Variants in DEPTOR observed in about 807,000 individuals in gnomAD.
DEPTOR encodes DEP domain-containing mTOR-interacting protein.
A neutral mutation model predicts 41.6 loss-of-function variants in DEPTOR; 41 were observed. That is an observed-to-expected ratio of 0.98 (90% CI 0.77 to 1.28). The LOEUF (loss-of-function observed/expected upper bound fraction) is 1.28. Among genes scored for constraint, DEPTOR ranks in the 50% most tolerant of loss-of-function variants. The pLI, the probability that DEPTOR is intolerant of heterozygous loss-of-function variation, is 0.00. For synonymous variants in DEPTOR, 195 were observed against 192.3 expected (o/e 1.01, Z -0.12); for missense variants, 514 against 527.9 (o/e 0.97, Z 0.26).
intron 3 of DEPTOR, among the ~76,000 whole-genome samples, chr8:119,937,598 C>T (rs982203808): frequency 2.0e-5 from 3 of 152,100 alleles, no homozygotes; most frequent in African/African-American, 7.2e-5. Flanking sequence ...GAGATGTTTA[C>T]ACTATGTAAC....
chr8:119,988,156 A>G (rs1828853295), intron 4 of DEPTOR, among the ~76,000 whole-genome samples: 1 of 152,116 alleles, frequency 6.6e-6, no homozygotes, highest in South Asian at 2.1e-4. Context: ...ACCCGAGGGA[A>G]TCTCCTGGTC....
In DEPTOR at chr8:120,050,685, A is replaced by G. The variant is rs1233352620; in HGVS notation, c.*981A>G. ...TGCTTATTTGGGGGGATTATTTTTC[A>G]CCAAAATGATCATCTTGTGTTGTAA... is the stretch of plus-strand genomic sequence containing the variant. On this transcript the variant is annotated 3_prime_UTR_variant, in exon 9 of 9. Coordinates refer to ENST00000286234, the MANE Select transcript of DEPTOR (RefSeq NM_022783.4). The G allele has an allele frequency of 6.6e-6, 1 of 152,088 alleles. No individual in the cohort carries two copies. Among genetic ancestry groups the G allele is most frequent in the Non-Finnish European group, 1.5e-5 (1 of 68,010 alleles). The allele number at this position is 152,088 out of a possible 1,614,324, so 9.4% of individuals were successfully genotyped here. A position where few individuals can be genotyped will look rare whatever the true frequency, so the allele number is the denominator to read the frequency against.
At chr8:120,029,129 A>G (rs1812846687) in intron 8 of DEPTOR, among the ~76,000 whole-genome samples, 1 of 151,936 alleles carries the variant, frequency 6.6e-6, no homozygotes. Flanking sequence ...TTGAATTGTC[A>G]TACTTGTGCC....
chr8:119,996,311 ATAACAG>A (rs1361393788), intron 4 of DEPTOR, among the ~76,000 whole-genome samples: 4 of 152,246 alleles, frequency 2.6e-5, no homozygotes, highest in Non-Finnish European at 5.9e-5. Flanking sequence ...ATAGGTGATG[ATAACAG>A]TAAAAAACAA....
chr8:120,001,612 T>C lies in DEPTOR; in HGVS notation c.692T>C (p.Leu231Pro). The C allele has an allele frequency of 1.2e-6, 2 of 1,613,982 alleles. No individual in the cohort carries two copies. The highest frequency in any genetic ancestry group is 1.7e-6 in the Non-Finnish European group (2 of 1,179,978). ...CGGAGGCGAAGACTGATGGAGCTGCTCAATGAAAAGTCCCCCTCCTCCCAG... is the reference window on the plus strand; with the variant it reads ...CGGAGGCGAAGACTGATGGAGCTGCCCAATGAAAAGTCCCCCTCCTCCCAG... Reference protein sequence around the residue: ...FRRRRRLMELLNEKSPSSQET... With the variant: ...FRRRRRLMELPNEKSPSSQET... The change falls in exon 5 of 9, where the codon CTC becomes CCC. Residue 231 changes from leucine (L) to proline (P), a missense_variant. Coordinates refer to ENST00000286234, the MANE Select transcript of DEPTOR (RefSeq NM_022783.4).
intron 1 of DEPTOR, among the ~76,000 whole-genome samples, chr8:119,916,351 C>T (rs910190260): frequency 6.8e-6 from 1 of 147,012 alleles, no homozygotes; most frequent in Admixed American, 6.8e-5. Flanking sequence ...AAACCCCAGA[C>T]CTCAAGTGAT....
chr8:120,029,663 T>A (rs1812855740), intron 8 of DEPTOR, among the ~76,000 whole-genome samples: 1 of 152,216 alleles, frequency 6.6e-6, no homozygotes, highest in Non-Finnish European at 1.5e-5. Context: ...CCCAAAGTGC[T>A]GGGATTACAG....
chr8:119,883,371 A>T (rs1183005294), intron 1 of DEPTOR, among the ~76,000 whole-genome samples: 1 of 150,202 alleles, frequency 6.7e-6, no homozygotes, highest in East Asian at 2.0e-4. Flanking sequence ...GCTACTCAGG[A>T]GACTGAGGCA....
intron 6 of DEPTOR, among the ~76,000 whole-genome samples, chr8:120,005,574 G>A (rs985841422): frequency 4.6e-5 from 7 of 152,310 alleles, no homozygotes; most frequent in East Asian, 3.9e-4. Context: ...AAAGGGGATC[G>A]GAGGATGCCA....
At chr8:119,906,297 C>A (rs370788858) in intron 1 of DEPTOR, among the ~76,000 whole-genome samples, 43 of 140,416 alleles carry the variant, frequency 3.1e-4, no homozygotes, top group Non-Finnish European at 2.4e-4. Context: ...ACTAAAAATA[C>A]AAAAAAAAAA....
chr8:119,985,550 G>A (rs1828817934), intron 4 of DEPTOR, among the ~76,000 whole-genome samples: 2 of 152,076 alleles, frequency 1.3e-5, no homozygotes, highest in Admixed American at 1.3e-4. Context: ...AAGCTCTTTA[G>A]TTTAATTAGA....
intron 8 of DEPTOR, among the ~76,000 whole-genome samples, chr8:120,035,585 G>A (rs141954657): frequency 5.3e-5 from 8 of 152,298 alleles, no homozygotes; most frequent in African/African-American, 1.9e-4. Context: ...CAACTGGAGT[G>A]CAGTGGTGCA....
At chr8:119,997,141 C>T (rs1393590257) in intron 4 of DEPTOR, among the ~76,000 whole-genome samples, 1 of 152,148 alleles carries the variant, frequency 6.6e-6, no homozygotes, top group Non-Finnish European at 1.5e-5. Context: ...GACAGAGTCT[C>T]ACTATGTTTC....
At position 120,031,965 on chromosome 8, in the gene DEPTOR, G is replaced by A. The variant is rs1812898436; in HGVS notation, c.1102-17611G>A. Among the ~76,000 whole-genome samples, 7 of 152,232 alleles carry A rather than the reference G, an allele frequency of 4.6e-5. No individual in the cohort carries two copies. The South Asian group carries it at 1.5e-3, about 32-fold the overall frequency. ...TGGTGGTGAGCTGAGGCTTCTCCCT[G>A]TTAGCAGGGCTGGCAGTTGGGATGA... is the stretch of plus-strand genomic sequence containing the variant. On this transcript the variant is annotated intron_variant, in intron 8 of 8. Coordinates refer to ENST00000286234, the MANE Select transcript of DEPTOR (RefSeq NM_022783.4).
chr8:119,887,116 T>TCCCCCCCCCC (rs1827375317), intron 1 of DEPTOR, among the ~76,000 whole-genome samples: 1 of 9,896 alleles, frequency 1.0e-4, no homozygotes, highest in Non-Finnish European at 1.9e-4. Context: ...TCCCCTCCCC[T>TCCCCCCCCCC]CCCCCTCCCC....
chr8:119,873,851 A>T lies in DEPTOR; in HGVS notation c.5A>T (p.Glu2Val), dbSNP rs560535814. 1.1e-5 allele frequency: 18 copies of T among 1,612,922 alleles called. No individual in the cohort carries two copies. The highest frequency in any genetic ancestry group is 1.7e-4 in the Middle Eastern group (1 of 6,032). The change falls in exon 1 of 9, where the codon GAG becomes GTG. Residue 2 changes from glutamate (E) to valine (V), a missense_variant. By Grantham distance (121) the Glu-to-Val change is moderately radical. Coordinates refer to ENST00000286234, the MANE Select transcript of DEPTOR (RefSeq NM_022783.4). The stretch of plus-strand genomic sequence containing the variant: ...TAGCCGCACGGCCCTAAAACCATGG[A>T]GGAGGGCGGCAGCACTGGCAGTGCT... M[E>V]EGGSTGSAGS...
chr8:119,957,571 A>ATTTT (rs33977088), intron 3 of DEPTOR, among the ~76,000 whole-genome samples: 1 of 147,204 alleles, frequency 6.8e-6, no homozygotes, highest in Non-Finnish European at 1.5e-5. Flanking sequence ...GGGTCCTTCT[A>ATTTT]TTTTTTTTTT....
chr8:119,993,885 G>A (rs1418879313), intron 4 of DEPTOR, among the ~76,000 whole-genome samples: 2 of 151,706 alleles, frequency 1.3e-5, no homozygotes, highest in Admixed American at 6.6e-5. Flanking sequence ...GGCCGGGTGC[G>A]GTGGCTCACA....
chr8:119,973,584 T>C (rs145589364), intron 4 of DEPTOR, among the ~76,000 whole-genome samples: 4 of 152,292 alleles, frequency 2.6e-5, no homozygotes, highest in Non-Finnish European at 5.9e-5. Flanking sequence ...ACTCCCTTAG[T>C]TGCCATCCAG....
Sources: gnomAD v4.1 joint callset for allele counts (sites outside exome capture counted in the v4.1 genomes callset) on GRCh38, gnomAD v4.1.1 for gene constraint, MANE v1.5 for transcripts, NCBI Gene and HGNC (gene_info 2026-07-23, HGNC 2026-07-21) for gene names.